The following SNTG1 variants were observed in gnomAD, a reference collection of about 807,000 sequenced individuals.
SNTG1 encodes the protein gamma-1-syntrophin.
Under a neutral mutation model 74.7 loss-of-function variants are expected in SNTG1, and 39 were observed. The observed-to-expected ratio is 0.52, with a 90% CI of 0.40 to 0.68. The LOEUF is 0.68. Ranked by LOEUF, SNTG1 falls within the 30% of genes least tolerant of loss-of-function variation. The pLI, the probability that SNTG1 is intolerant of heterozygous loss-of-function variation, is 0.00. For synonymous variants in SNTG1, 254 were observed against 217.1 expected, an observed-to-expected ratio of 1.17 and a Z score of -1.49; for missense variants, 685 against 609.5, an observed-to-expected ratio of 1.12 and a Z score of -1.30.
chr8:50,093,375 C>T (rs2079811876), intron 1 of SNTG1, among the ~76,000 whole-genome samples: 1 of 152,044 alleles, frequency 6.6e-6, no homozygotes, highest in African/African-American at 2.4e-5. Flanking sequence ...ACATAGACAT[C>T]ATCATTACCT....
At chr8:50,537,589 G>C (rs2094316920) in intron 11 of SNTG1, among the ~76,000 whole-genome samples, 1 of 151,928 alleles carries the variant, frequency 6.6e-6, no homozygotes, top group South Asian at 2.1e-4. Flanking sequence ...GGACTTTCTT[G>C]AATCTCTTAA....
chr8:50,669,776 G>A (rs1177666801), intron 15 of SNTG1, among the ~76,000 whole-genome samples: 1 of 152,108 alleles, frequency 6.6e-6, no homozygotes, highest in Non-Finnish European at 1.5e-5. Flanking sequence ...GATGAACATT[G>A]ATGCAAAAAT....
chr8:50,756,485 G>T (rs1208189315), intron 18 of SNTG1, among the ~76,000 whole-genome samples: 1 of 151,750 alleles, frequency 6.6e-6, no homozygotes, highest in Non-Finnish European at 1.5e-5. Flanking sequence ...TGCATTGCCT[G>T]TGGATGTCCA....
chr8:50,712,808 T>A (rs1310480867), intron 17 of SNTG1, among the ~76,000 whole-genome samples: 1 of 152,164 alleles, frequency 6.6e-6, no homozygotes, highest in Non-Finnish European at 1.5e-5. Flanking sequence ...TTCAGCTTCA[T>A]CCATGTCCCC....
chr8:49,978,285 G>A (rs1812372376), intron 1 of SNTG1, among the ~76,000 whole-genome samples: 1 of 152,106 alleles, frequency 6.6e-6, no homozygotes, highest in Non-Finnish European at 1.5e-5. Context: ...CAGAAGAAAG[G>A]GGGAAGAGGA....
intron 2 of SNTG1, among the ~76,000 whole-genome samples, chr8:50,181,668 C>T (rs1485176223): frequency 1.3e-5 from 2 of 151,940 alleles, no homozygotes; most frequent in Non-Finnish European, 2.9e-5. Flanking sequence ...TTATTTTTAA[C>T]TGTGTAATTG....
At chr8:50,748,359 G>A (rs1323042408) in intron 17 of SNTG1, among the ~76,000 whole-genome samples, 2 of 152,042 alleles carry the variant, frequency 1.3e-5, no homozygotes, top group African/African-American at 2.4e-5. Context: ...GCTAGGTGAA[G>A]GGGTACTACT....
At chr8:50,204,522 T>C (rs1485335299) in intron 2 of SNTG1, among the ~76,000 whole-genome samples, 2 of 152,266 alleles carry the variant, frequency 1.3e-5, no homozygotes, top group East Asian at 3.9e-4. Context: ...AATGTAAATT[T>C]GTTGAAAATA....
At chr8:50,282,573 C>T (rs889709832) in intron 2 of SNTG1, among the ~76,000 whole-genome samples, 1 of 148,542 alleles carries the variant, frequency 6.7e-6, no homozygotes, top group Non-Finnish European at 1.5e-5. Context: ...ACCTTATTTC[C>T]TTAAAACTGT....
intron 1 of SNTG1, among the ~76,000 whole-genome samples, chr8:49,974,604 G>A (rs1453136538): frequency 1.3e-5 from 2 of 152,066 alleles, no homozygotes; most frequent in Non-Finnish European, 2.9e-5. Flanking sequence ...TAGTCCTCAC[G>A]TGCCAGATCA....
intron 13 of SNTG1, among the ~76,000 whole-genome samples, chr8:50,643,337 A>G (rs1308099359): frequency 6.6e-6 from 1 of 152,204 alleles, no homozygotes; most frequent in Non-Finnish European, 1.5e-5. Flanking sequence ...TCTTGAAAGA[A>G]GCTTTTATAG....
At chr8:50,208,671 A>G (rs941000041) in intron 2 of SNTG1, among the ~76,000 whole-genome samples, 1 of 152,048 alleles carries the variant, frequency 6.6e-6, no homozygotes. Flanking sequence ...GGTCTTTACA[A>G]TTTGTCATGT....
In SNTG1 at chr8:50,078,319, C is replaced by T. The variant is rs542005420; in HGVS notation, c.-102-94242C>T. ...ATTTCTATGATAAATGACAGTTAGG[C>T]TTTTATAGAGATTCCATTGAATCTA... On this transcript the variant is annotated intron_variant, in intron 1 of 18. Coordinates refer to ENST00000642720, the MANE Select transcript of SNTG1 (RefSeq NM_018967.5). Among the ~76,000 whole-genome samples, 9 of 152,204 alleles carry T rather than the reference C, an allele frequency of 5.9e-5. No homozygotes were observed. In the South Asian group the frequency reaches 1.7e-3, roughly 28 times the overall value.
chr8:50,752,591 A>T lies in SNTG1; in HGVS notation c.1395+480A>T, dbSNP rs74692600. On this transcript the variant is annotated intron_variant, in intron 18 of 18. Coordinates refer to ENST00000642720, the MANE Select transcript of SNTG1 (RefSeq NM_018967.5). ...TTGCATTAGAATAAATTATAAATGCATTATCCCAGTATAGAGAAAAGGGTA... is the reference window on the plus strand; with the variant it reads ...TTGCATTAGAATAAATTATAAATGCTTTATCCCAGTATAGAGAAAAGGGTA... 1.1e-4 allele frequency among the ~76,000 whole-genome samples: 17 copies of T among 152,128 alleles called. No homozygotes were observed. In the East Asian group the frequency reaches 3.3e-3, roughly 30 times the overall value.
At chr8:50,696,443 C>A (rs546753110) in intron 15 of SNTG1, among the ~76,000 whole-genome samples, 1 of 151,890 alleles carries the variant, frequency 6.6e-6, no homozygotes, top group Non-Finnish European at 1.5e-5. Flanking sequence ...TCAGTTATTT[C>A]TTTTGCTTTG....
intron 15 of SNTG1, among the ~76,000 whole-genome samples, chr8:50,702,298 A>C (rs2095428943): frequency 6.6e-6 from 1 of 152,166 alleles, no homozygotes; most frequent in African/African-American, 2.4e-5. Context: ...TTGTACTCTC[A>C]AACATATTAT....
chr8:50,339,576 C>CT (rs1386760476), intron 2 of SNTG1, among the ~76,000 whole-genome samples: 1 of 151,700 alleles, frequency 6.6e-6, no homozygotes, highest in Non-Finnish European at 1.5e-5. Flanking sequence ...GTATAGTAGT[C>CT]TTATATTAGT....
At chr8:50,291,620 G>A (rs1191089523) in intron 2 of SNTG1, among the ~76,000 whole-genome samples, 2 of 152,080 alleles carry the variant, frequency 1.3e-5, no homozygotes, top group Non-Finnish European at 2.9e-5. Flanking sequence ...TTGTTTGTAT[G>A]ATAGAGAATC....
chr8:50,349,230 G>A lies in SNTG1; in HGVS notation c.-27-44982G>A, dbSNP rs534062930. The stretch of plus-strand genomic sequence containing the variant: ...ATTCAACACTTAACAAATTGTCTGT[G>A]GGGACCTATCATGTTTTGGGAATTG... On this transcript the variant is annotated intron_variant, in intron 2 of 18. Coordinates refer to ENST00000642720, the MANE Select transcript of SNTG1 (RefSeq NM_018967.5). 2.1e-3 allele frequency among the ~76,000 whole-genome samples: 326 copies of A among 152,268 alleles called. 3 individuals carry two copies. Among genetic ancestry groups the A allele is most frequent in the African/African-American group, 7.4e-3 (309 of 41,538 alleles).
Sources: allele counts gnomAD v4.1 joint callset (sites outside exome capture counted in the v4.1 genomes callset), GRCh38; gene constraint gnomAD v4.1.1; transcripts MANE v1.5; gene names NCBI Gene and HGNC (gene_info 2026-07-23, HGNC 2026-07-21).